The following INPP4A variants were observed in gnomAD, a reference collection of about 807,000 sequenced individuals.
The protein encoded by INPP4A is inositol polyphosphate-4-phosphatase, type I, 107kD.
Under a neutral mutation model 119.8 loss-of-function variants are expected in INPP4A, and 33 were observed. That is an observed-to-expected ratio of 0.28 (90% CI 0.21 to 0.37). The LOEUF is 0.37. INPP4A is among the 10% of genes least tolerant of loss of function. The pLI is 1.00. For synonymous variants in INPP4A, 496 were observed against 500.7 expected, an observed-to-expected ratio of 0.99 and a Z score of 0.12; for missense variants, 956 against 1,289.9, an observed-to-expected ratio of 0.74 and a Z score of 3.97.
At chr2:98,503,261 G>A (rs1277777917) in intron 1 of INPP4A, among the ~76,000 whole-genome samples, 2 of 152,220 alleles carry the variant, frequency 1.3e-5, no homozygotes, top group African/African-American at 2.4e-5. Context: ...CAGGACTTTT[G>A]AGATTGGTTT....
At chr2:98,518,480 TG>T (rs2105703281) in intron 1 of INPP4A, among the ~76,000 whole-genome samples, 1 of 152,302 alleles carries the variant, frequency 6.6e-6, no homozygotes, top group South Asian at 2.1e-4. Flanking sequence ...TGGGACTGAG[TG>T]GGGCCTGGGG....
intron 1 of INPP4A, among the ~76,000 whole-genome samples, chr2:98,504,842 G>A (rs969545514): frequency 1.3e-5 from 2 of 152,170 alleles, no homozygotes; most frequent in African/African-American, 4.8e-5. Flanking sequence ...TTAACGTGGC[G>A]CTGTAGAAGG....
chr2:98,558,401 G>A (rs150297770), intron 16 of INPP4A, among the ~76,000 whole-genome samples: 1 of 152,300 alleles, frequency 6.6e-6, no homozygotes, highest in African/African-American at 2.4e-5. Flanking sequence ...ATCACTGTGG[G>A]TTTCTATCTT....
intron 24 of INPP4A, chr2:98,581,545 T>C: frequency 1.3e-6 from 2 of 1,495,450 alleles, no homozygotes; most frequent in Non-Finnish European, 1.8e-6. Flanking sequence ...TTTTTCCTTT[T>C]TCTTTCTCCC....
At chr2:98,528,062 A>G (rs775173829) in intron 4 of INPP4A, among the ~76,000 whole-genome samples, 1 of 152,224 alleles carries the variant, frequency 6.6e-6, no homozygotes, top group Non-Finnish European at 1.5e-5. Context: ...CCTAGGAGGC[A>G]CAAATGTTTA....
intron 1 of INPP4A, among the ~76,000 whole-genome samples, chr2:98,470,758 C>T (rs1379054539): frequency 3.9e-5 from 6 of 152,052 alleles, no homozygotes; most frequent in African/African-American, 1.4e-4. Context: ...AGCTCCGCCT[C>T]CCGGGTTTAA....
chr2:98,554,250 T>A lies in INPP4A; in HGVS notation c.1348-21T>A, dbSNP rs1337883611. 5.1e-6 allele frequency: 8 copies of A among 1,576,314 alleles called. No homozygotes were observed. Among genetic ancestry groups the A allele is most frequent in the Non-Finnish European group, 6.9e-6 (8 of 1,160,402 alleles). On this transcript the variant is annotated intron_variant, in intron 14 of 24. Transcript: ENST00000409851. This position sits in a 1 kb window ranked among gnomAD's most constrained non-coding sequence, Gnocchi z 4.7. ...AGCCCCTGGCCTGGGCTCAGCAGCCTTGGTTTGTGTGCACCTGCAGACACG... is the reference window on the plus strand; with the variant it reads ...AGCCCCTGGCCTGGGCTCAGCAGCCATGGTTTGTGTGCACCTGCAGACACG...
intron 1 of INPP4A, among the ~76,000 whole-genome samples, chr2:98,463,881 T>C (rs1386309417): frequency 6.6e-6 from 1 of 152,156 alleles, no homozygotes; most frequent in African/African-American, 2.4e-5. Context: ...TTTCCTCCAG[T>C]CTCTGCTCGC....
At chr2:98,585,913 C>T (rs1472135816) in intron 24 of INPP4A, among the ~76,000 whole-genome samples, 1 of 152,178 alleles carries the variant, frequency 6.6e-6, no homozygotes, top group Non-Finnish European at 1.5e-5. Flanking sequence ...GGTTTTTAAG[C>T]AGTTTGTACA....
intron 1 of INPP4A, among the ~76,000 whole-genome samples, chr2:98,496,857 G>A (rs1682075250): frequency 6.6e-6 from 1 of 152,216 alleles, no homozygotes; most frequent in African/African-American, 2.4e-5. Flanking sequence ...ATAATCTGGG[G>A]TTGGAGTGTC....
intron 20 of INPP4A, 59 bp from the exon 21 acceptor site, chr2:98,565,970 C>T: frequency 6.4e-7 from 1 of 1,560,708 alleles, no homozygotes; most frequent in Non-Finnish European, 8.7e-7. Flanking sequence ...CTGGGCACTG[C>T]AGCCTGCTCG....
At chr2:98,459,675 T>G (rs1346574182) in intron 1 of INPP4A, among the ~76,000 whole-genome samples, 1 of 152,228 alleles carries the variant, frequency 6.6e-6, no homozygotes, top group East Asian at 1.9e-4. Context: ...TAAGCATCCT[T>G]CAGGGCAGGG....
At chr2:98,470,889 A>T (rs905833179) in intron 1 of INPP4A, among the ~76,000 whole-genome samples, 1 of 152,050 alleles carries the variant, frequency 6.6e-6, no homozygotes, top group Non-Finnish European at 1.5e-5. Flanking sequence ...GCTGATCTCG[A>T]ACTCCTGACC....
chr2:98,448,403 T>C (rs1380276616), intron 1 of INPP4A, among the ~76,000 whole-genome samples: 2 of 151,616 alleles, frequency 1.3e-5, no homozygotes, highest in African/African-American at 2.4e-5. Context: ...TATAACACTA[T>C]TTAGTGTACA....
chr2:98,508,456 C>G (rs1343822262), intron 1 of INPP4A, among the ~76,000 whole-genome samples: 2 of 152,140 alleles, frequency 1.3e-5, no homozygotes, highest in African/African-American at 2.4e-5. Context: ...AGTGATGATA[C>G]CCCCCTTATT....
chr2:98,489,672 G>T (rs1680299084), intron 1 of INPP4A, among the ~76,000 whole-genome samples: 1 of 152,166 alleles, frequency 6.6e-6, no homozygotes, highest in Non-Finnish European at 1.5e-5. Flanking sequence ...TGGCCTTAAT[G>T]CTTCCTCTTT....
chr2:98,450,858 GC>G (rs967055185), intron 1 of INPP4A, among the ~76,000 whole-genome samples: 1 of 152,004 alleles, frequency 6.6e-6, no homozygotes, highest in African/African-American at 2.4e-5. Flanking sequence ...TGCAACCTCC[GC>G]CCCCTGGGTT....
chr2:98,535,715 CT>C lies in INPP4A; in HGVS notation c.271-10del, dbSNP rs1559026105. ...TCCAACCCTGTGTTCTGATTATTTC[CT>C]TTTCTGTTCTAGGGAACCAACAATC... is the stretch of plus-strand genomic sequence containing the variant. On this transcript the variant is annotated splice_polypyrimidine_tract_variant and intron_variant, in intron 5 of 24. Transcript: ENST00000409851. 1 of 1,252,344 alleles carries C rather than the reference CT, an allele frequency of 8.0e-7. No individual in the cohort carries two copies. 77.6% of individuals were successfully genotyped at this position (1,252,344 alleles called of 1,614,324 possible).
intron 4 of INPP4A, among the ~76,000 whole-genome samples, chr2:98,525,407 A>G (rs964657528): frequency 3.3e-5 from 5 of 152,224 alleles, no homozygotes. Flanking sequence ...AGATCACTTA[A>G]TCACATCTGT....
Sources: allele counts gnomAD v4.1 joint callset (sites outside exome capture counted in the v4.1 genomes callset), GRCh38; gene constraint gnomAD v4.1.1; non-coding constraint Gnocchi (gnomAD v3.1); transcripts MANE v1.5; gene names NCBI Gene and HGNC (gene_info 2026-07-23, HGNC 2026-07-21).